Variants in CDKL3 observed in about 807,000 individuals in gnomAD.
CDKL3 encodes the protein cyclin-dependent kinase-like 3.
A neutral mutation model predicts 69.3 loss-of-function variants in CDKL3; 65 were observed. The observed-to-expected ratio is 0.94, with a 90% CI of 0.77 to 1.15. The LOEUF is 1.15. Among genes scored for constraint, CDKL3 ranks in the 50% most tolerant of loss-of-function variants. The pLI is 0.00. For synonymous variants in CDKL3, 202 were observed against 221.6 expected (o/e 0.91, Z 0.79); for missense variants, 652 against 689.2 (o/e 0.95, Z 0.61).
intron 7 of CDKL3, among the ~76,000 whole-genome samples, chr5:134,310,475 C>A (rs1769139327): frequency 1.3e-5 from 2 of 151,084 alleles, no homozygotes; most frequent in South Asian, 4.2e-4. Flanking sequence ...CAGGTGTGAG[C>A]CACCAAGCCC....
intron 9 of CDKL3, 134 bp downstream of exon 9, chr5:134,307,997 TAAATGGC>T (rs1768346850): frequency 1.5e-6 from 2 of 1,325,984 alleles, no homozygotes; most frequent in Non-Finnish European, 9.8e-7. Flanking sequence ...AAACACTCAG[TAAATGGC>T]CCATTATACA....
At chr5:134,349,553 T>C (rs1449724124) in intron 4 of CDKL3, among the ~76,000 whole-genome samples, 1 of 152,188 alleles carries the variant, frequency 6.6e-6, no homozygotes, top group Non-Finnish European at 1.5e-5. Flanking sequence ...CAGTTCCTAC[T>C]GCAACACTAG....
chr5:134,287,040 G>A (rs1764900433), intron 8 of CDKL3, among the ~76,000 whole-genome samples: 1 of 152,144 alleles, frequency 6.6e-6, no homozygotes, highest in Non-Finnish European at 1.5e-5. Flanking sequence ...CAAGGAACAG[G>A]GAAGAGTGGA....
intron 12 of CDKL3, chr5:134,299,618 A>G: frequency 6.9e-7 from 1 of 1,446,972 alleles, no homozygotes; most frequent in African/African-American, 1.4e-5. Context: ...ATTTTTGTGT[A>G]TGTAACATTA....
chr5:134,329,950 C>T (rs1775362343), intron 4 of CDKL3, among the ~76,000 whole-genome samples: 1 of 150,734 alleles, frequency 6.6e-6, no homozygotes, highest in African/African-American at 2.4e-5. Context: ...GTGGAGATTG[C>T]AGTGAGGTGA....
chr5:134,371,439 G>GA, upstream of CDKL3: 1 of 942,006 alleles, frequency 1.1e-6, no homozygotes, highest in Non-Finnish European at 1.6e-6. Flanking sequence ...GGAGGCGGCG[G>GA]AGGGAGACGT....
chr5:134,305,343 G>A (rs771294007), intron 10 of CDKL3, among the ~76,000 whole-genome samples: 18 of 151,992 alleles, frequency 1.2e-4, no homozygotes, highest in Non-Finnish European at 2.2e-4. Context: ...CAAATTCCTG[G>A]GATCAAGCAA....
At chr5:134,286,694 A>AGAGG (rs1438860734) in intron 8 of CDKL3, 1 of 152,432 alleles carries the variant, frequency 6.6e-6, no homozygotes, top group Non-Finnish European at 1.5e-5. Context: ...ATGCAAAAAG[A>AGAGG]GAGGGAGCTT....
rs114123872 is a variant in CDKL3 at position 134,361,496 on chromosome 5, C to G, written c.166-1405G>C. 5.3e-3 allele frequency among the ~76,000 whole-genome samples: 804 copies of G among 152,284 alleles called. 6 individuals carry two copies. Among genetic ancestry groups the G allele is most frequent in the African/African-American group, 0.018 (737 of 41,570 alleles). On this transcript the variant is annotated intron_variant, in intron 2 of 12. Coordinates refer to ENST00000265334, the MANE Select transcript of CDKL3 (RefSeq NM_001113575.2). ...AGAGACTAAAGTCCTTAAAACATGA[C>G]TAGAGAAAAACATCCAAAATATAAC... is the stretch of plus-strand genomic sequence containing the variant.
chr5:134,295,011 CTTTTTTTTTTTTTTTTTTTTT>C (rs1765287117), downstream of CDKL3, among the ~76,000 whole-genome samples: 2 of 100,422 alleles, frequency 2.0e-5, no homozygotes, highest in Non-Finnish European at 4.1e-5. Context: ...ATTTTTTTTT[CTTTTTTTTTTTTTTTTTTTTT>C]GAGATGGGGT....
chr5:134,302,238 G>C (rs1251242613), intron 12 of CDKL3: 8 of 458,172 alleles, frequency 1.7e-5, no homozygotes, highest in Non-Finnish European at 3.5e-5. Flanking sequence ...GAAGGAAGAG[G>C]CTTAAAGGCA....
chr5:134,360,140 A>T, intron 2 of CDKL3, 49 bp from the exon 3 acceptor site: 1 of 1,217,198 alleles, frequency 8.2e-7, no homozygotes, highest in Non-Finnish European at 1.2e-6. Context: ...CAAGCCTAAC[A>T]ATTTGTACAT....
At chr5:134,339,928 G>A (rs1226975338) in intron 4 of CDKL3, among the ~76,000 whole-genome samples, 1 of 152,008 alleles carries the variant, frequency 6.6e-6, no homozygotes, top group South Asian at 2.1e-4. Flanking sequence ...GAGGTAGGAG[G>A]GTCACTTGAG....
intron 4 of CDKL3, among the ~76,000 whole-genome samples, chr5:134,332,287 CTTTAG>C (rs1471802025): frequency 2.6e-5 from 4 of 152,104 alleles, no homozygotes; most frequent in Non-Finnish European, 5.9e-5. Context: ...TGCAGAAGCT[CTTTAG>C]TTTAATTAGA....
intron 4 of CDKL3, among the ~76,000 whole-genome samples, chr5:134,322,979 C>CA (rs545839607): frequency 0.047 from 5,224 of 110,642 alleles, 245 homozygotes; most frequent in African/African-American, 0.15. Flanking sequence ...AACTCAGTCT[C>CA]AAAAAAAAAA....
At chr5:134,356,113 T>C (rs773084904) in intron 3 of CDKL3, among the ~76,000 whole-genome samples, 6 of 152,190 alleles carry the variant, frequency 3.9e-5, no homozygotes, top group Non-Finnish European at 7.3e-5. Context: ...AGCCCTGAGC[T>C]TGTTTTCCTG....
At chr5:134,326,092 T>C (rs12521128) in intron 4 of CDKL3, among the ~76,000 whole-genome samples, 1 of 152,074 alleles carries the variant, frequency 6.6e-6, no homozygotes, top group African/African-American at 2.4e-5. Context: ...TATTTTTAAG[T>C]ACTCTCTCCA....
Position 134,350,348 on chromosome 5 carries a change from GC to G in CDKL3, c.439del (p.Ala147HisfsTer4). On this transcript the variant is annotated frameshift_variant, in exon 4 of 13. Coordinates refer to ENST00000265334, the MANE Select transcript of CDKL3 (RefSeq NM_001113575.2). LOFTEE classifies it high-confidence loss of function. ...GITKLCDFGF[A>X]RTLAAPGDIY... is the part of the protein sequence containing the mutation. ...GTCCCCAGGAGCTGCTAGTGTTCGT[GC>G]AAAACCAAAATCACAGAGCTTAGTA... is the stretch of plus-strand genomic sequence containing the variant. The G allele has an allele frequency of 2.5e-6, 4 of 1,589,230 alleles. No individual in the cohort carries two copies. Among genetic ancestry groups the G allele is most frequent in the Non-Finnish European group, 3.4e-6 (4 of 1,167,218 alleles).
rs776468700 is a variant in CDKL3, at chr5:134,298,738, A to T, written c.1720-28T>A. On this transcript the variant is annotated intron_variant, in intron 12 of 12. Coordinates refer to ENST00000265334, the MANE Select transcript of CDKL3 (RefSeq NM_001113575.2). The stretch of plus-strand genomic sequence containing the variant: ...AAAATTAGAAACCAAGCTAGTAAGA[A>T]TCAGGGACTGGAATGTAAATATATG... The T allele has an allele frequency of 1.1e-4, 180 of 1,605,310 alleles. No homozygotes were observed. The South Asian group carries it at 1.5e-3, about 14-fold the overall frequency.
Sources: gnomAD v4.1 joint callset for allele counts (sites outside exome capture counted in the v4.1 genomes callset) on GRCh38, gnomAD v4.1.1 for gene constraint, MANE v1.5 for transcripts, NCBI Gene and HGNC (gene_info 2026-07-23, HGNC 2026-07-21) for gene names.